The following PSPC1 variants were observed in gnomAD, a reference collection of about 807,000 sequenced individuals.
PSPC1 encodes paraspeckle protein 1.
PSPC1 carries 14 observed loss-of-function variants against 51.6 expected under a neutral mutation model. The observed-to-expected ratio is 0.27, with a 90% CI of 0.18 to 0.42. The LOEUF is 0.42. Ranked by LOEUF, PSPC1 falls within the 10% of genes least tolerant of loss-of-function variation. The pLI, the probability that PSPC1 is intolerant of heterozygous loss-of-function variation, is 1.00. For missense variants in PSPC1, 406 were observed against 701.1 expected (o/e 0.58, Z 4.75); for synonymous variants, 193 against 231.9 (o/e 0.83, Z 1.53).
intron 5 of PSPC1, among the ~76,000 whole-genome samples, chr13:19,731,224 A>T (rs1884070223): frequency 1.3e-5 from 2 of 152,200 alleles, no homozygotes; most frequent in African/African-American, 4.8e-5. Flanking sequence ...ATAAACATTT[A>T]CATTACTGTC....
chr13:19,757,360 T>G (rs1367888179), intron 3 of PSPC1, among the ~76,000 whole-genome samples: 1 of 152,048 alleles, frequency 6.6e-6, no homozygotes, highest in Non-Finnish European at 1.5e-5. Flanking sequence ...ATCAAGAAAC[T>G]ACCCTGCCTC....
Position 19,711,648 on chromosome 13 carries a change from A to T in PSPC1, c.1159-2049T>A, listed in dbSNP as rs1261085473. 2.5e-3 allele frequency among the ~76,000 whole-genome samples: 371 copies of T among 149,760 alleles called. 9 individuals are homozygous for T. Among genetic ancestry groups the T allele is most frequent in the Non-Finnish European group, 8.9e-4 (60 of 67,308 alleles). ...GAGAGACTCCGTCTCATAAAAAAAA[A>T]AAAAAAAAAAAAAGAAACCCCATCT... is the stretch of plus-strand genomic sequence containing the variant. On this transcript the variant is annotated intron_variant, in intron 6 of 8. Coordinates refer to ENST00000338910, the MANE Select transcript of PSPC1 (RefSeq NM_001354909.2).
At chr13:19,763,635 G>C (rs950380405) in intron 2 of PSPC1, among the ~76,000 whole-genome samples, 5 of 152,276 alleles carry the variant, frequency 3.3e-5, no homozygotes, top group Non-Finnish European at 7.4e-5. Context: ...GTGCATCATA[G>C]GGTTGTTATG....
intron 6 of PSPC1, among the ~76,000 whole-genome samples, chr13:19,728,781 T>C (rs1883683429): frequency 6.6e-6 from 1 of 152,146 alleles, no homozygotes. Flanking sequence ...AGAACACTAG[T>C]CAGTGTTACA....
chr13:19,709,126 T>C (rs1470077785), intron 7 of PSPC1, among the ~76,000 whole-genome samples: 1 of 121,118 alleles, frequency 8.3e-6, no homozygotes, highest in Non-Finnish European at 1.6e-5. Flanking sequence ...GCCACTGTAC[T>C]CCAGCCTGGG....
intron 5 of PSPC1, among the ~76,000 whole-genome samples, chr13:19,736,614 C>T (rs1026177003): frequency 1.3e-5 from 2 of 152,014 alleles, no homozygotes; most frequent in East Asian, 1.9e-4. Context: ...ACCTGGGAGG[C>T]AGAGCTTGCA....
chr13:19,753,976 TTTA>T lies in PSPC1; in HGVS notation c.771-2512_771-2510del, dbSNP rs1886820729. ...AAAGACTGACTATATTTTTAAATTA[TTTA>T]TTTTCTTTCAAAGGAAAAAAAAACC... On this transcript the variant is annotated intron_variant, in intron 3 of 8. Coordinates refer to ENST00000338910, the MANE Select transcript of PSPC1 (RefSeq NM_001354909.2). 2.0e-5 allele frequency among the ~76,000 whole-genome samples: 3 copies of T among 152,102 alleles called. No homozygotes were observed. In the South Asian group the frequency reaches 6.2e-4, roughly 32 times the overall value.
At chr13:19,698,488 GA>G, downstream of PSPC1, among the ~76,000 whole-genome samples, 1 of 151,810 alleles carries the variant, frequency 6.6e-6, no homozygotes, top group South Asian at 2.1e-4. Context: ...AAAATATGAA[GA>G]AAATCTAAAA....
chr13:19,706,062 A>G (rs1180732938), intron 7 of PSPC1, among the ~76,000 whole-genome samples: 1 of 152,210 alleles, frequency 6.6e-6, no homozygotes, highest in Non-Finnish European at 1.5e-5. Context: ...ACTATCAATC[A>G]TTTTAGGGCA....
chr13:19,743,448 T>A (rs1885634985), intron 4 of PSPC1, among the ~76,000 whole-genome samples: 1 of 149,642 alleles, frequency 6.7e-6, no homozygotes, highest in African/African-American at 2.4e-5. Flanking sequence ...TTCTCCCCAT[T>A]TTACAGATTA....
intron 7 of PSPC1, among the ~76,000 whole-genome samples, chr13:19,706,335 T>A (rs1183821943): frequency 6.6e-6 from 1 of 152,054 alleles, no homozygotes; most frequent in Non-Finnish European, 1.5e-5. Flanking sequence ...CATCTTAGTT[T>A]TTTTTTTTTC....
intron 1 of PSPC1, among the ~76,000 whole-genome samples, chr13:19,776,367 G>C (rs1315360161): frequency 6.6e-6 from 1 of 152,098 alleles, no homozygotes; most frequent in Admixed American, 6.6e-5. Context: ...CTGAGGGGCT[G>C]AGGTGTGAGG....
chr13:19,673,912 G>C (rs1876326307), downstream of PSPC1, among the ~76,000 whole-genome samples: 1 of 152,256 alleles, frequency 6.6e-6, no homozygotes, highest in East Asian at 1.9e-4. Context: ...TGCAGTTCAA[G>C]TGTACGCAGC....
chr13:19,778,353 A>ATTTTGC (rs1241187875), intron 1 of PSPC1, among the ~76,000 whole-genome samples: 2 of 98,138 alleles, frequency 2.0e-5, no homozygotes, highest in African/African-American at 7.6e-5. Flanking sequence ...ACATATTAAG[A>ATTTTGC]CCTCTCCCTC....
At chr13:19,735,900 C>T (rs1209617000) in intron 5 of PSPC1, among the ~76,000 whole-genome samples, 1 of 149,420 alleles carries the variant, frequency 6.7e-6, no homozygotes, top group Non-Finnish European at 1.5e-5. Context: ...CTGCTCACTG[C>T]AAGCTACGCC....
chr13:19,756,814 T>C (rs1488582969), intron 3 of PSPC1, among the ~76,000 whole-genome samples: 4 of 151,736 alleles, frequency 2.6e-5, no homozygotes, highest in Non-Finnish European at 5.9e-5. Flanking sequence ...CGTTTTATGG[T>C]TTGAATCTTC....
chr13:19,739,864 A>T (rs1185438070), intron 5 of PSPC1, among the ~76,000 whole-genome samples: 1 of 140,988 alleles, frequency 7.1e-6, no homozygotes, highest in East Asian at 2.2e-4. Context: ...GAGTTGTTTA[A>T]AAAAAAAAAA....
At chr13:19,747,339 G>GC (rs1197197699) in intron 4 of PSPC1, among the ~76,000 whole-genome samples, 1 of 151,880 alleles carries the variant, frequency 6.6e-6, no homozygotes, top group East Asian at 1.9e-4. Context: ...AAGGTAAACA[G>GC]CTTTTTTTTA....
At chr13:19,721,411 A>T (rs1477845041) in intron 6 of PSPC1, among the ~76,000 whole-genome samples, 1 of 152,190 alleles carries the variant, frequency 6.6e-6, no homozygotes, top group Non-Finnish European at 1.5e-5. Context: ...AACATTAGCT[A>T]AAAAATCTTA....
Sources: allele counts gnomAD v4.1 joint callset (sites outside exome capture counted in the v4.1 genomes callset), GRCh38; gene constraint gnomAD v4.1.1; transcripts MANE v1.5; gene names NCBI Gene and HGNC (gene_info 2026-07-23, HGNC 2026-07-21).